The following FSIP2 variants were observed in gnomAD, a reference collection of about 807,000 sequenced individuals.
FSIP2 encodes the protein fibrous sheath interacting protein 2, also known as fibrous sheath-interacting protein 2.
In FSIP2, 367 loss-of-function variants were observed where a neutral mutation model predicts 510.5. That is an observed-to-expected ratio of 0.72 (90% CI 0.66 to 0.78). The LOEUF (loss-of-function observed/expected upper bound fraction) is 0.78. FSIP2 is among the 30% of genes least tolerant of loss of function. The probability of loss-of-function intolerance (pLI) is 0.00; values close to 1 mark genes in which losing one functional copy is unlikely to be tolerated. For synonymous variants in FSIP2, 2,601 were observed against 2,732.2 expected, an observed-to-expected ratio of 0.95 and a Z score of 1.50; for missense variants, 7,594 against 7,901.7, an observed-to-expected ratio of 0.96 and a Z score of 1.48.
In FSIP2 at chr2:185,788,952, G is replaced by C; in HGVS notation, c.1816G>C (p.Val606Leu). ...ACCTATAAAACCTCCTCCTGCACAT[G>C]TGGAAAAAACAGTTGTGGGGAAAAC... is the stretch of plus-strand genomic sequence containing the variant. ...TTPIKPPPAH[V>L]EKTVVGKTCH... Residue 606 changes from valine (V) to leucine (L), a missense_variant, in exon 16 of 23, where the codon GTG becomes CTG. Coordinates refer to ENST00000424728, the MANE Select transcript of FSIP2 (RefSeq NM_173651.4). 6.5e-7 allele frequency: 1 copy of C among 1,534,916 alleles called. No homozygotes were observed. The highest frequency in any genetic ancestry group is 8.7e-7 in the Non-Finnish European group (1 of 1,146,000).
chr2:185,828,124 C>T, intron 20 of FSIP2, 32 bp from the exon 21 acceptor site: 1 of 1,255,472 alleles, frequency 8.0e-7, no homozygotes, highest in Non-Finnish European at 1.2e-6. Context: ...CAGAAAGAGA[C>T]TATTTTACTT....
chr2:185,780,978 A>G (rs774143530), intron 13 of FSIP2, among the ~76,000 whole-genome samples: 1 of 151,968 alleles, frequency 6.6e-6, no homozygotes, highest in Non-Finnish European at 1.5e-5. Flanking sequence ...AATTCTTAGC[A>G]TATAATTTTA....
In FSIP2 at chr2:185,793,284, T is replaced by C; in HGVS notation, c.6148T>C (p.Ser2050Pro). 1 of 1,534,210 alleles carries C rather than the reference T, an allele frequency of 6.5e-7. No individual in the cohort carries two copies. The highest frequency in any genetic ancestry group is 8.7e-7 in the Non-Finnish European group (1 of 1,145,570). The part of the protein sequence containing the change: ...QIVNALLDII[S>P]RKGKCDKNSS... ...TGTTAACGCATTGTTAGACATTATATCACGTAAAGGCAAATGTGACAAAAA... is the reference window on the plus strand; with the variant it reads ...TGTTAACGCATTGTTAGACATTATACCACGTAAAGGCAAATGTGACAAAAA... Residue 2050 changes from serine to proline, a missense_variant, in exon 16 of 23, where the codon TCA becomes CCA. Physicochemically the swap from Ser to Pro is moderately conservative, Grantham distance 74. Coordinates refer to ENST00000424728, the MANE Select transcript of FSIP2 (RefSeq NM_173651.4).
At chr2:185,764,189 T>C (rs1692413530) in intron 12 of FSIP2, among the ~76,000 whole-genome samples, 1 of 151,646 alleles carries the variant, frequency 6.6e-6, no homozygotes, top group South Asian at 2.1e-4. Flanking sequence ...AAATCTTAGA[T>C]TGCCATCCAT....
chr2:185,751,257 A>T (rs923814968), intron 7 of FSIP2, among the ~76,000 whole-genome samples: 3 of 151,650 alleles, frequency 2.0e-5, no homozygotes, highest in African/African-American at 7.2e-5. Context: ...AGTATTAGGT[A>T]AAAAATGGCT....
chr2:185,756,232 G>A lies in FSIP2; in HGVS notation c.1032G>A (p.Met344Ile). The A allele has an allele frequency of 7.4e-7, 1 of 1,347,434 alleles. No homozygotes were observed. Among genetic ancestry groups the A allele is most frequent in the Non-Finnish European group, 1.0e-6 (1 of 994,380 alleles). The allele number at this position is 1,347,434 out of a possible 1,614,324, so 83.5% of individuals were successfully genotyped here. The change falls in exon 9 of 23, where the codon ATG (methionine) becomes ATA (isoleucine). Residue 344 changes from methionine to isoleucine, a missense_variant. Coordinates refer to ENST00000424728, the MANE Select transcript of FSIP2 (RefSeq NM_173651.4). ...AAAAGAAGACTTCTGAAGATATAAT[G>A]TTAGTTTATCCTGCTGGAGACCAGA... Reference protein sequence around the residue: ...KNKKKTSEDIMLVYPAGDQNT... With the variant: ...KNKKKTSEDIILVYPAGDQNT...
intron 20 of FSIP2, 67 bp downstream of exon 20, chr2:185,824,547 T>C: frequency 4.3e-6 from 4 of 940,148 alleles, no homozygotes; most frequent in Non-Finnish European, 6.7e-6. Flanking sequence ...TTTTTAGTTA[T>C]CAAACTTGAA....
Position 185,796,574 on chromosome 2 carries a change from C to T in FSIP2, c.9438C>T (p.Phe3146=), listed in dbSNP as rs1693284237. ...LIQNLSRESL[F]QGAENAYTVN... is the part of the protein sequence containing the mutation. Reference sequence around the variant, plus strand: ...AAAACCTTTCAAGAGAAAGTTTGTTCCAAGGAGCTGAAAATGCCTACACTG... The same window carrying T: ...AAAACCTTTCAAGAGAAAGTTTGTTTCAAGGAGCTGAAAATGCCTACACTG... The change falls in exon 16 of 23, where the codon TTC becomes TTT. Residue 3146 remains phenylalanine, a synonymous_variant. Coordinates refer to ENST00000424728, the MANE Select transcript of FSIP2 (RefSeq NM_173651.4). 6.5e-7 allele frequency: 1 copy of T among 1,534,852 alleles called. No homozygotes were observed. The highest frequency in any genetic ancestry group is 8.7e-7 in the Non-Finnish European group (1 of 1,146,190).
intron 13 of FSIP2, among the ~76,000 whole-genome samples, chr2:185,773,956 G>A (rs1299255353): frequency 6.6e-6 from 1 of 152,178 alleles, no homozygotes. Context: ...TGCTGTTATG[G>A]GACATATAAT....
At position 185,753,801 on chromosome 2, in the gene FSIP2, G is replaced by GA; in HGVS notation, c.956dup (p.Asn319LysfsTer4). On this transcript the variant is annotated frameshift_variant, in exon 8 of 23. Coordinates refer to ENST00000424728, the MANE Select transcript of FSIP2 (RefSeq NM_173651.4). LOFTEE classifies it high-confidence loss of function. ...ACTGGCTTTAACGGAGAAGATATAG[G>GA]AAAAAATACATTTAAATACAGAGGT... 2 of 1,484,914 alleles carry GA rather than the reference G, an allele frequency of 1.3e-6. No individual in the cohort carries two copies. Among genetic ancestry groups the GA allele is most frequent in the Non-Finnish European group, 1.8e-6 (2 of 1,117,378 alleles). 92.0% of individuals were successfully genotyped at this position (1,484,914 alleles called of 1,614,324 possible). A position where few individuals can be genotyped will look rare whatever the true frequency, so the allele number is the denominator to read the frequency against.
chr2:185,792,436 TA>T lies in FSIP2; in HGVS notation c.5304del (p.Lys1768AsnfsTer14). The T allele has an allele frequency of 6.5e-7, 1 of 1,533,274 alleles. No homozygotes were observed. The highest frequency in any genetic ancestry group is 1.2e-5 in the South Asian group (1 of 83,962). The allele number at this position is 1,533,274 out of a possible 1,614,324, so 95.0% of individuals were successfully genotyped here. A position where few individuals can be genotyped will look rare whatever the true frequency, so the allele number is the denominator to read the frequency against. On this transcript the variant is annotated frameshift_variant, in exon 16 of 23. Coordinates refer to ENST00000424728, the MANE Select transcript of FSIP2 (RefSeq NM_173651.4). LOFTEE classifies it high-confidence loss of function. Reference protein sequence around the residue: ...ALEKTLNKIEVKLKEPHISPI... With the variant: ...ALEKTLNKIEXKLKEPHISPI... ...GAAAAAACCTTAAACAAAATTGAAG[TA>T]AAACTCAAAGAACCACATATATCTC...
chr2:185,774,558 A>T (rs1172221361), intron 13 of FSIP2, among the ~76,000 whole-genome samples: 1 of 149,736 alleles, frequency 6.7e-6, no homozygotes, highest in African/African-American at 2.5e-5. Flanking sequence ...TTATTCTCTT[A>T]TGACTGCAAA....
At position 185,804,149 on chromosome 2, in the gene FSIP2, T is replaced by C; in HGVS notation, c.14843T>C (p.Phe4948Ser). 1 of 1,511,922 alleles carries C rather than the reference T, an allele frequency of 6.6e-7. No homozygotes were observed. Among genetic ancestry groups the C allele is most frequent in the Non-Finnish European group, 8.8e-7 (1 of 1,136,506 alleles). The allele number at this position is 1,511,922 out of a possible 1,614,324, so 93.7% of individuals were successfully genotyped here. Residue 4948 changes from phenylalanine to serine, a missense_variant, in exon 17 of 23, where the codon TTT (phenylalanine) becomes TCT (serine). Physicochemically the swap from Phe to Ser is radical, Grantham distance 155. Transcript: ENST00000424728. ...TCTTTTATTGTGAACTCATCTGTCT[T>C]TTTGGAGGAAGTAATTTCTGAGCTC... is the stretch of plus-strand genomic sequence containing the variant. ...ELSFIVNSSV[F>S]LEEVISELLC...
intron 9 of FSIP2, among the ~76,000 whole-genome samples, chr2:185,759,819 T>A (rs1692315810): frequency 6.6e-6 from 1 of 150,550 alleles, no homozygotes; most frequent in East Asian, 1.9e-4. Flanking sequence ...TCACTCTTCT[T>A]CAATTTCCTG....
intron 20 of FSIP2, among the ~76,000 whole-genome samples, chr2:185,825,869 G>A (rs1156671639): frequency 2.0e-5 from 3 of 151,788 alleles, no homozygotes; most frequent in Non-Finnish European, 2.9e-5. Flanking sequence ...ACTTAAACAA[G>A]ATAATTCCAG....
intron 13 of FSIP2, among the ~76,000 whole-genome samples, chr2:185,768,097 G>A (rs914549156): frequency 5.3e-5 from 8 of 151,854 alleles, no homozygotes; most frequent in African/African-American, 1.9e-4. Context: ...TTATGGTTTT[G>A]ATTGTATTTT....
intron 8 of FSIP2, among the ~76,000 whole-genome samples, chr2:185,755,987 T>C (rs1199205294): frequency 1.3e-5 from 2 of 151,508 alleles, no homozygotes; most frequent in East Asian, 3.9e-4. Flanking sequence ...TCCAAATGTA[T>C]CTTTTAATAT....
chr2:185,798,436 A>G (rs1693351161), intron 16 of FSIP2, among the ~76,000 whole-genome samples: 2 of 151,912 alleles, frequency 1.3e-5, no homozygotes, highest in Admixed American at 1.3e-4. Context: ...AACAACATGT[A>G]ATCGTCATTT....
rs780922187 is a variant in FSIP2, at chr2:185,808,365, C to A, written c.19059C>A (p.Ala6353=). The A allele has an allele frequency of 6.2e-7, 1 of 1,611,492 alleles. No individual in the cohort carries two copies. The highest frequency in any genetic ancestry group is 2.2e-5 in the East Asian group (1 of 44,614). The change falls in exon 17 of 23, where the codon GCC becomes GCA. Residue 6353 remains alanine (A), a synonymous_variant. Coordinates refer to ENST00000424728, the MANE Select transcript of FSIP2 (RefSeq NM_173651.4). ...CCAAACTTTTAGAAGAGGTGTTGGCCTTGTTCTTGGCTAAACTAATAAGGT... is the reference window on the plus strand; with the variant it reads ...CCAAACTTTTAGAAGAGGTGTTGGCATTGTTCTTGGCTAAACTAATAAGGT... ...LDAKLLEEVL[A]LFLAKLIRLP... is the part of the protein sequence containing the mutation.
Sources: gnomAD v4.1 joint callset for allele counts (sites outside exome capture counted in the v4.1 genomes callset) on GRCh38, gnomAD v4.1.1 for gene constraint, MANE v1.5 for transcripts, NCBI Gene and HGNC (gene_info 2026-07-23, HGNC 2026-07-21) for gene names.